Variants in TCN2 observed in about 807,000 individuals in gnomAD.
The protein encoded by TCN2 is transcobalamin 2.
In TCN2, 34 loss-of-function variants were observed where a neutral mutation model predicts 48.6. The ratio of observed to expected loss-of-function variants is 0.70; its 90% CI spans 0.53 to 0.93. TCN2 has a LOEUF of 0.93. TCN2 is among the 40% of genes least tolerant of loss of function. The pLI is 0.00. For missense variants in TCN2, 652 were observed against 526.1 expected (o/e 1.24, Z -2.34); for synonymous variants, 283 against 212.5 (o/e 1.33, Z -2.89).
chr22:30,618,433 C>T (rs552620172), intron 7 of TCN2, among the ~76,000 whole-genome samples: 37 of 152,018 alleles, frequency 2.4e-4, no homozygotes, highest in Middle Eastern at 3.4e-3. Context: ...CTCACTGCAA[C>T]CTCCGTCTCC....
chr22:30,626,402 G>A lies in TCN2; in HGVS notation c.1223-58G>A, dbSNP rs946585461. ...CAGGGTGGGGGGTCTGGAAGATGAG[G>A]TTGCGGGGTGCGATATTCTGCCCAA... On this transcript the variant is annotated intron_variant, in intron 8 of 8. Coordinates refer to ENST00000215838, the MANE Select transcript of TCN2 (RefSeq NM_000355.4). 1.2e-5 allele frequency: 19 copies of A among 1,575,848 alleles called. No individual in the cohort carries two copies. The Admixed American group carries it at 3.0e-4, about 25-fold the overall frequency.
chr22:30,611,147 C>T (rs1225497009), intron 2 of TCN2, 84 bp downstream of exon 2: 2 of 1,577,444 alleles, frequency 1.3e-6, no homozygotes, highest in Non-Finnish European at 1.7e-6. Context: ...CCTGTCACCA[C>T]TTTGTGGGCA....
Position 30,627,106 on chromosome 22 carries a change from C to A in TCN2, c.*585C>A, listed in dbSNP as rs2087821932. On this transcript the variant is annotated 3_prime_UTR_variant, in exon 9 of 9. Coordinates refer to ENST00000215838, the MANE Select transcript of TCN2 (RefSeq NM_000355.4). ...TACTCCTCAGGTGCAGGGGCAGGGA[C>A]AAGAGAAGGGGGAAGTAACCCCATC... The A allele has an allele frequency of 6.0e-6, 1 of 167,368 alleles. No individual in the cohort carries two copies. The allele number at this position is 167,368 out of a possible 1,614,324, so 10.4% of individuals were successfully genotyped here.
rs770932162 is a variant in TCN2 at position 30,615,420 on chromosome 22, C to G, written c.700C>G (p.Gln234Glu). The change falls in exon 5 of 9, where the codon CAG becomes GAG. Residue 234 changes from glutamine (Q) to glutamate (E), a missense_variant. By Grantham distance (29) the Gln-to-Glu change is conservative (BLOSUM62 2). Coordinates refer to ENST00000215838, the MANE Select transcript of TCN2 (RefSeq NM_000355.4). ...RTVREEILKA[Q>E]TPEGHFGNVY... Reference sequence around the variant, plus strand: ...AGTGCGAGAGGAGATCTTGAAGGCCCAGACCCCCGAGGGCCACTTTGGGAA... The same window carrying G: ...AGTGCGAGAGGAGATCTTGAAGGCCGAGACCCCCGAGGGCCACTTTGGGAA... The G allele has an allele frequency of 6.2e-7, 1 of 1,614,168 alleles. No individual in the cohort carries two copies. The highest frequency in any genetic ancestry group is 1.7e-5 in the Admixed American group (1 of 60,020).
At position 30,624,001 on chromosome 22, in the gene TCN2, T is replaced by TATGTATACATATATATACACACATAC. The variant is rs1569047112; in HGVS notation, c.1222+920_1222+921insGTATACATATATATACACACATACAT. On this transcript the variant is annotated intron_variant, in intron 8 of 8. Coordinates refer to ENST00000215838, the MANE Select transcript of TCN2 (RefSeq NM_000355.4). ...ATATGTATACATATATACACACATATATATGTATACATATATACACACATA... is the reference window on the plus strand; with the variant it reads ...ATATGTATACATATATACACACATATATGTATACATATATATACACACATACATATGTATACATATATACACACATA... Among the ~76,000 whole-genome samples, 11 of 35,502 alleles carry TATGTATACATATATATACACACATAC rather than the reference T, an allele frequency of 3.1e-4. 3 individuals carry two copies. Among genetic ancestry groups the TATGTATACATATATATACACACATAC allele is most frequent in the East Asian group, 1.6e-3 (4 of 2,442 alleles). The allele number at this position is 35,502 out of a possible 152,430, so 23.3% of individuals were successfully genotyped here.
chr22:30,617,963 A>G (rs1038080511), intron 7 of TCN2, among the ~76,000 whole-genome samples: 1 of 152,172 alleles, frequency 6.6e-6, no homozygotes, highest in Non-Finnish European at 1.5e-5. Context: ...TTTAAGAGAC[A>G]GGGTCTCAAT....
chr22:30,620,538 T>C (rs1466899246), intron 7 of TCN2, among the ~76,000 whole-genome samples: 2 of 152,206 alleles, frequency 1.3e-5, no homozygotes, highest in African/African-American at 4.8e-5. Context: ...CTATGGCACA[T>C]AACGCAATGC....
intron 2 of TCN2, among the ~76,000 whole-genome samples, 197 bp from the exon 3 acceptor site, chr22:30,612,676 C>CT (rs2087559346): frequency 6.6e-6 from 1 of 152,212 alleles, no homozygotes; most frequent in South Asian, 2.1e-4. Flanking sequence ...ATTCTTGAAT[C>CT]TAACTGTTCA....
At chr22:30,610,502 A>G (rs997073342) in intron 1 of TCN2, among the ~76,000 whole-genome samples, 1 of 152,360 alleles carries the variant, frequency 6.6e-6, no homozygotes, top group Non-Finnish European at 1.5e-5. Context: ...GTGCAAAGCA[A>G]TGATGACAGT....
rs1427233261 is a variant in TCN2 at position 30,615,589 on chromosome 22, C to T, written c.754-12C>T. 5 of 1,614,020 alleles carry T rather than the reference C, an allele frequency of 3.1e-6. No homozygotes were observed. Among genetic ancestry groups the T allele is most frequent in the South Asian group, 1.1e-5 (1 of 91,092 alleles). On this transcript the variant is annotated splice_polypyrimidine_tract_variant and intron_variant, in intron 5 of 8. Coordinates refer to ENST00000215838, the MANE Select transcript of TCN2 (RefSeq NM_000355.4). ...GCTGACTTCCTCTCTCTCTTCCTCA[C>T]TCTATCACCAGTTCCTCATGACTTC... is the stretch of plus-strand genomic sequence containing the variant.
At chr22:30,611,089 G>A in intron 2 of TCN2, 26 bp downstream of exon 2, 6 of 1,613,692 alleles carry the variant, frequency 3.7e-6, no homozygotes, top group African/African-American at 1.3e-5. Flanking sequence ...CTTTTTCCAT[G>A]TCTTGCTCCA....
chr22:30,623,343 C>T, intron 8 of TCN2: 1 of 460,238 alleles, frequency 2.2e-6, no homozygotes, highest in East Asian at 4.0e-5. Context: ...CTAGGATATA[C>T]TACCTAGGAA....
chr22:30,626,535 T>A lies in TCN2; in HGVS notation c.*14T>A. 6.2e-7 allele frequency: 1 copy of A among 1,613,882 alleles called. No homozygotes were observed. Among genetic ancestry groups the A allele is most frequent in the Non-Finnish European group, 8.5e-7 (1 of 1,179,950 alleles). Reference sequence around the variant, plus strand: ...GTTAGCTGGTAGCCCCTGAGCTCCCTCATCCCAGCAGCCTCGCACACTCCC... The same window carrying A: ...GTTAGCTGGTAGCCCCTGAGCTCCCACATCCCAGCAGCCTCGCACACTCCC... On this transcript the variant is annotated 3_prime_UTR_variant, in exon 9 of 9. Transcript: ENST00000215838.
At chr22:30,612,841 T>A (rs987924363) in intron 2 of TCN2, 32 bp from the exon 3 acceptor site, 5 of 1,611,992 alleles carry the variant, frequency 3.1e-6, no homozygotes. Context: ...GGTGGCAGTT[T>A]CTCACAAAGG....
intron 7 of TCN2, among the ~76,000 whole-genome samples, chr22:30,620,249 C>T (rs1242755237): frequency 6.6e-6 from 1 of 152,060 alleles, no homozygotes; most frequent in East Asian, 1.9e-4. Context: ...GCCAGGAGTT[C>T]AAAACCAGCC....
chr22:30,612,795 A>C (rs2087560574), intron 2 of TCN2, 78 bp from the exon 3 acceptor site: 4 of 1,579,272 alleles, frequency 2.5e-6, no homozygotes, highest in Admixed American at 1.7e-5. Flanking sequence ...CCGCTTTGTG[A>C]TGCGGGTGGG....
At chr22:30,617,794 C>A in intron 7 of TCN2, 1 of 449,830 alleles carries the variant, frequency 2.2e-6, no homozygotes, top group Non-Finnish European at 4.2e-6. Flanking sequence ...AGTTGTGCCC[C>A]TTCCCTGCAG....
chr22:30,623,066 A>G lies in TCN2; in HGVS notation c.1205A>G (p.Asn402Ser), dbSNP rs749591278. 3 of 1,613,768 alleles carry G rather than the reference A, an allele frequency of 1.9e-6. No individual in the cohort carries two copies. The highest frequency in any genetic ancestry group is 2.2e-5 in the East Asian group (1 of 44,860). The part of the protein sequence containing the change: ...REFWQLLRDP[N>S]TPLLQGIADY... ...TTCTGGCAGCTTCTCCGAGACCCCA[A>G]CACCCCACTGTTGCAAGGTGAGTCA... is the stretch of plus-strand genomic sequence containing the variant. Residue 402 changes from asparagine to serine, a missense_variant, in exon 8 of 9, where the codon AAC (asparagine) becomes AGC (serine). Asn to Ser is a conservative substitution (Grantham distance 46). Transcript: ENST00000215838.
rs781642350 is a variant in TCN2, at chr22:30,623,113, TCCCCTA to T, written c.1222+35_1222+40del. ...GTCATGGCCTGACACTCTGGATGTG[TCCCCTA>T]CCCCAAGCTTACTCAGCCAAGAGGC... On this transcript the variant is annotated intron_variant, in intron 8 of 8. Coordinates refer to ENST00000215838, the MANE Select transcript of TCN2 (RefSeq NM_000355.4). 6 of 1,609,796 alleles carry T rather than the reference TCCCCTA, an allele frequency of 3.7e-6. No individual in the cohort carries two copies. In the African/African-American group the frequency reaches 6.7e-5, roughly 18 times the overall value.
Sources: allele counts gnomAD v4.1 joint callset (sites outside exome capture counted in the v4.1 genomes callset), GRCh38; gene constraint gnomAD v4.1.1; transcripts MANE v1.5; gene names NCBI Gene and HGNC (gene_info 2026-07-23, HGNC 2026-07-21).